The following CYLD variants were observed in gnomAD, a reference collection of about 807,000 sequenced individuals.
CYLD encodes ubiquitin carboxyl-terminal hydrolase CYLD.
CYLD carries 26 observed loss-of-function variants against 104.5 expected under a neutral mutation model. The observed-to-expected ratio is 0.25, with a 90% confidence interval of 0.18 to 0.35. CYLD has a LOEUF of 0.35. CYLD is among the 10% of genes least tolerant of loss of function. The probability of loss-of-function intolerance (pLI) is 1.00; values close to 1 mark genes in which losing one functional copy is unlikely to be tolerated. For missense variants in CYLD, 703 were observed against 1,136.1 expected, an observed-to-expected ratio of 0.62 and a Z score of 5.48; for synonymous variants, 385 against 399.9, an observed-to-expected ratio of 0.96 and a Z score of 0.45.
chr16:50,789,015 G>T (rs942586183), intron 14 of CYLD, among the ~76,000 whole-genome samples: 3 of 152,064 alleles, frequency 2.0e-5, no homozygotes, highest in Non-Finnish European at 4.4e-5. Flanking sequence ...ACATACTTCA[G>T]GAAAGTGGAT....
At chr16:50,768,839 A>G (rs1165056650) in intron 5 of CYLD, among the ~76,000 whole-genome samples, 1 of 152,130 alleles carries the variant, frequency 6.6e-6, no homozygotes, top group Non-Finnish European at 1.5e-5. Flanking sequence ...ACCCCAAAAT[A>G]TGTCCCTTGG....
chr16:50,792,562 C>A, intron 15 of CYLD, 35 bp from the exon 16 acceptor site: 1 of 1,460,808 alleles, frequency 6.8e-7, no homozygotes. Flanking sequence ...TTTTTTTTAA[C>A]ACTTTGATTC....
At chr16:50,782,177 G>C (rs1970283106) in intron 10 of CYLD, 148 bp from the exon 11 acceptor site, 6 of 623,414 alleles carry the variant, frequency 9.6e-6, no homozygotes, top group Non-Finnish European at 1.6e-5. Context: ...TCAAATAGCA[G>C]TTAACCAAAG....
rs926914060 is a variant in CYLD at position 50,774,477 on chromosome 16, A to G, written c.914-689A>G. 6.6e-5 allele frequency among the ~76,000 whole-genome samples: 10 copies of G among 152,216 alleles called. No individual in the cohort carries two copies. In the East Asian group the frequency reaches 9.6e-4, roughly 15 times the overall value. The stretch of plus-strand genomic sequence containing the variant: ...CAATAAGATATTGAAAACAATAATC[A>G]GAGAAGAGACAATAATAACAATATG... On this transcript the variant is annotated intron_variant, in intron 5 of 18. Transcript: ENST00000427738.
chr16:50,774,359 T>C (rs1266290348), intron 5 of CYLD, among the ~76,000 whole-genome samples: 1 of 152,206 alleles, frequency 6.6e-6, no homozygotes, highest in African/African-American at 2.4e-5. Flanking sequence ...CCCCAGTGGA[T>C]ACCTGAAACT....
chr16:50,757,612 C>T (rs1394666484), intron 5 of CYLD, among the ~76,000 whole-genome samples: 1 of 151,998 alleles, frequency 6.6e-6, no homozygotes, highest in Non-Finnish European at 1.5e-5. Flanking sequence ...TCTCTGCTCA[C>T]TGCAAGCTCC....
chr16:50,754,109 T>C (rs1336563655), intron 4 of CYLD, among the ~76,000 whole-genome samples: 1 of 152,206 alleles, frequency 6.6e-6, no homozygotes, highest in Non-Finnish European at 1.5e-5. Flanking sequence ...TTGAATCTCA[T>C]TTCCCTAAAG....
chr16:50,754,458 A>G (rs1168995033), intron 5 of CYLD, 34 bp downstream of exon 5: 1 of 1,411,638 alleles, frequency 7.1e-7, no homozygotes, highest in Admixed American at 1.7e-5. Flanking sequence ...TTTATAAGGC[A>G]AACTTTATTT....
intron 13 of CYLD, chr16:50,787,481 A>T (rs973734071): frequency 1.5e-5 from 5 of 331,882 alleles, no homozygotes; most frequent in Non-Finnish European, 2.8e-5. Context: ...CATACTTCAG[A>T]TTGTACTCCA....
In CYLD at chr16:50,794,694, C is replaced by T. The variant is rs1971815395; in HGVS notation, c.2686+266C>T. 2.2e-6 allele frequency: 1 copy of T among 458,350 alleles called. No individual in the cohort carries two copies. Among genetic ancestry groups the T allele is most frequent in the Non-Finnish European group, 4.0e-6 (1 of 249,046 alleles). 28.4% of individuals were successfully genotyped at this position (458,350 alleles called of 1,614,324 possible). On this transcript the variant is annotated intron_variant, in intron 18 of 18. Transcript: ENST00000427738. This position sits in a 1 kb window ranked among gnomAD's most constrained non-coding sequence, Gnocchi z 4.1. ...GGAGTGCAGCAGCGTGATCTTGGCT[C>T]ATTGCAACCTCCACCTCTCAGGTTC... is the stretch of plus-strand genomic sequence containing the variant.
At chr16:50,750,631 TAAAA>T (rs1347465627) in intron 3 of CYLD, among the ~76,000 whole-genome samples, 1 of 152,180 alleles carries the variant, frequency 6.6e-6, no homozygotes, top group Non-Finnish European at 1.5e-5. Context: ...TGTCGAAACT[TAAAA>T]AACTATGTAC....
chr16:50,798,877 G>A lies in CYLD; in HGVS notation c.*2369G>A, dbSNP rs16948829. On this transcript the variant is annotated 3_prime_UTR_variant, in exon 19 of 19. Transcript: ENST00000427738. The stretch of plus-strand genomic sequence containing the variant: ...TACTTGGGGAGGGAGTGCTCATTAA[G>A]GGATGCCAGGGCCAGCTCTGGTGGT... 2,179 of 233,354 alleles carry A rather than the reference G, an allele frequency of 9.3e-3. 53 individuals carry two copies. The highest frequency in any genetic ancestry group is 0.045 in the African/African-American group (2,031 of 45,436). The allele number at this position is 233,354 out of a possible 1,614,324, so 14.5% of individuals were successfully genotyped here. A position where few individuals can be genotyped will look rare whatever the true frequency, so the allele number is the denominator to read the frequency against.
intron 12 of CYLD, chr16:50,784,669 T>A (rs1970625676): frequency 1.0e-5 from 5 of 486,176 alleles, no homozygotes; most frequent in Admixed American, 6.9e-5. Context: ...GCATATTCCA[T>A]GAAATGATTT....
At chr16:50,748,236 A>C (rs542115828) in intron 2 of CYLD, among the ~76,000 whole-genome samples, 10 of 152,332 alleles carry the variant, frequency 6.6e-5, no homozygotes, top group African/African-American at 2.2e-4. Context: ...TGACAGGGAT[A>C]CCTAGGAAGT....
intron 5 of CYLD, among the ~76,000 whole-genome samples, chr16:50,758,164 G>C (rs1967482699): frequency 6.6e-6 from 1 of 152,162 alleles, no homozygotes; most frequent in African/African-American, 2.4e-5. Context: ...GGGATTTTTC[G>C]ATTTCATGTA....
Position 50,798,255 on chromosome 16 carries a change from G to C in CYLD, c.*1747G>C. Reference sequence around the variant, plus strand: ...AGGAATCTAAATGAAGCCAGCCCTCGGTATCTGCAGGTTTCTCATCCATGG... The same window carrying C: ...AGGAATCTAAATGAAGCCAGCCCTCCGTATCTGCAGGTTTCTCATCCATGG... On this transcript the variant is annotated 3_prime_UTR_variant, in exon 19 of 19. Transcript: ENST00000427738. The C allele has an allele frequency of 4.3e-6, 1 of 231,944 alleles. No homozygotes were observed. The highest frequency in any genetic ancestry group is 8.5e-6 in the Non-Finnish European group (1 of 117,262). 14.4% of individuals were successfully genotyped at this position (231,944 alleles called of 1,614,324 possible).
intron 9 of CYLD, among the ~76,000 whole-genome samples, chr16:50,780,643 T>C (rs1306768970): frequency 6.6e-6 from 1 of 152,108 alleles, no homozygotes; most frequent in African/African-American, 2.4e-5. Context: ...CTCAGTCACC[T>C]GAGTAGCTGG....
chr16:50,777,025 G>A (rs1475877228), intron 7 of CYLD, among the ~76,000 whole-genome samples: 1 of 152,130 alleles, frequency 6.6e-6, no homozygotes, highest in Non-Finnish European at 1.5e-5. Flanking sequence ...ATATAGGATA[G>A]CTCAAACTTG....
chr16:50,744,234 A>T (rs1965982610), intron 2 of CYLD, among the ~76,000 whole-genome samples: 1 of 151,728 alleles, frequency 6.6e-6, no homozygotes, highest in Non-Finnish European at 1.5e-5. Flanking sequence ...TGTATTAGGG[A>T]CTGTGTACTT....
Sources: allele counts gnomAD v4.1 joint callset (sites outside exome capture counted in the v4.1 genomes callset), GRCh38; gene constraint gnomAD v4.1.1; non-coding constraint Gnocchi (gnomAD v3.1); transcripts MANE v1.5; gene names NCBI Gene and HGNC (gene_info 2026-07-23, HGNC 2026-07-21).